DOCK4: variants seen among roughly 807,000 people sequenced by gnomAD.
DOCK4 encodes dedicator of cytokinesis protein 4.
Under a neutral mutation model 268.1 loss-of-function variants are expected in DOCK4, and 97 were observed. The ratio of observed to expected loss-of-function variants is 0.36; its 90% CI spans 0.31 to 0.43. The LOEUF (loss-of-function observed/expected upper bound fraction) is 0.43, where lower values mean the gene tolerates loss of function less well. Among genes scored for constraint, DOCK4 ranks in the 20% least tolerant of loss-of-function variants. The pLI, the probability that DOCK4 is intolerant of heterozygous loss-of-function variation, is 1.00. For missense variants in DOCK4, 2,145 were observed against 2,455.7 expected (o/e 0.87, Z 2.67); for synonymous variants, 954 against 887.2 (o/e 1.08, Z -1.34).
rs796282296 is a variant in DOCK4, at chr7:111,909,988, A to C, written c.1192+5791T>G. Among the ~76,000 whole-genome samples the C allele has an allele frequency of 5.5e-4, 84 of 152,204 alleles. 2 individuals carry two copies. Among genetic ancestry groups the C allele is most frequent in the African/African-American group, 1.8e-3 (76 of 41,536 alleles). On this transcript the variant is annotated intron_variant, in intron 13 of 52. Coordinates refer to ENST00000428084, the MANE Select transcript of DOCK4 (RefSeq NM_001363540.2). ...AAAAAAAGAAAAAAGAAAAAAAAAA[A>C]AACGTTTTAGGGCTAAGAGCTTCAA...
chr7:112,037,231 G>A (rs961700129), intron 1 of DOCK4, among the ~76,000 whole-genome samples: 2 of 152,130 alleles, frequency 1.3e-5, no homozygotes, highest in Admixed American at 1.3e-4. Context: ...TTCTGAGCAC[G>A]TTTAAGGCAG....
intron 25 of DOCK4, among the ~76,000 whole-genome samples, chr7:111,836,216 A>C (rs1262544217): frequency 6.7e-6 from 1 of 149,908 alleles, no homozygotes; most frequent in African/African-American, 2.5e-5. Context: ...TTTTTTTTTT[A>C]ATACCAGCCA....
At chr7:111,894,145 C>T (rs981190498) in intron 16 of DOCK4, among the ~76,000 whole-genome samples, 18 of 151,604 alleles carry the variant, frequency 1.2e-4, no homozygotes, top group African/African-American at 3.6e-4. Flanking sequence ...TGGTGTGAAC[C>T]CGGGAGGCAG....
chr7:111,981,051 C>T (rs1470421813), intron 7 of DOCK4, among the ~76,000 whole-genome samples: 3 of 152,170 alleles, frequency 2.0e-5, no homozygotes, highest in Admixed American at 1.3e-4. Flanking sequence ...ACAGGGCTAT[C>T]AAGAAACTAA....
intron 16 of DOCK4, among the ~76,000 whole-genome samples, chr7:111,883,977 G>A (rs980763941): frequency 4.6e-5 from 7 of 152,082 alleles, no homozygotes; most frequent in African/African-American, 1.2e-4. Context: ...AGAGAATTCC[G>A]CCCATCAATT....
intron 1 of DOCK4, among the ~76,000 whole-genome samples, chr7:112,054,429 T>C (rs1805640807): frequency 6.6e-6 from 1 of 152,158 alleles, no homozygotes; most frequent in South Asian, 2.1e-4. Flanking sequence ...ACTTTCACTC[T>C]CCAAGAAATC....
At chr7:112,071,240 G>T (rs1454793696) in intron 1 of DOCK4, among the ~76,000 whole-genome samples, 1 of 152,176 alleles carries the variant, frequency 6.6e-6, no homozygotes, top group Non-Finnish European at 1.5e-5. Flanking sequence ...TACCTTTGTT[G>T]ATATCTGATG....
intron 1 of DOCK4, among the ~76,000 whole-genome samples, chr7:112,108,963 GT>G (rs113811821): frequency 4.7e-5 from 7 of 149,098 alleles, no homozygotes; most frequent in African/African-American, 1.2e-4. Context: ...ATCTGGCCCA[GT>G]TTTTTTTTTA....
At chr7:112,022,766 A>G (rs1234173336) in intron 1 of DOCK4, among the ~76,000 whole-genome samples, 1 of 152,206 alleles carries the variant, frequency 6.6e-6, no homozygotes, top group East Asian at 1.9e-4. Flanking sequence ...CCTGGCAAGT[A>G]GTTAGCATCA....
chr7:112,170,974 A>G (rs2560645), intron 1 of DOCK4, among the ~76,000 whole-genome samples: 47,099 of 152,116 alleles, frequency 0.31, 9,727 homozygotes, highest in African/African-American at 0.58. Flanking sequence ...CTCTCAAATC[A>G]CAACACACAC....
chr7:111,760,369 A>C, intron 39 of DOCK4, 47 bp from the exon 40 acceptor site: 1 of 1,575,988 alleles, frequency 6.3e-7, no homozygotes, highest in South Asian at 1.1e-5. Context: ...AACTGAGTGG[A>C]TTACAGACAG....
intron 1 of DOCK4, among the ~76,000 whole-genome samples, chr7:112,126,745 G>A (rs1397120698): frequency 1.3e-4 from 20 of 152,216 alleles, no homozygotes; most frequent in South Asian, 4.1e-4. Flanking sequence ...AAAAGTGGGC[G>A]AAGGATATGA....
At chr7:111,803,740 C>T (rs1326316754) in intron 30 of DOCK4, among the ~76,000 whole-genome samples, 2 of 152,156 alleles carry the variant, frequency 1.3e-5, no homozygotes, top group East Asian at 3.9e-4. Flanking sequence ...AAATATATGC[C>T]TTCCTCTGCC....
rs764892526 is a variant in DOCK4, at chr7:112,004,135, T to TA, written c.38-5dup. ...GTTCCTCGGAAACTGGCAATAACTG[T>TA]AAAAAATGATAAAGAATATATGAAG... is the stretch of plus-strand genomic sequence containing the variant. On this transcript the variant is annotated splice_polypyrimidine_tract_variant and splice_region_variant and intron_variant, in intron 1 of 52. Transcript: ENST00000428084. The TA allele has an allele frequency of 3.2e-6, 5 of 1,568,370 alleles. No homozygotes were observed. Among genetic ancestry groups the TA allele is most frequent in the Non-Finnish European group, 4.3e-6 (5 of 1,154,364 alleles).
chr7:111,740,762 G>T (rs1170110100), intron 47 of DOCK4, among the ~76,000 whole-genome samples: 1 of 44,084 alleles, frequency 2.3e-5, no homozygotes, highest in Non-Finnish European at 5.4e-5. Context: ...AAAAAAAAAG[G>T]CAAGCTAAGA....
intron 12 of DOCK4, among the ~76,000 whole-genome samples, chr7:111,917,838 C>A (rs1208374079): frequency 1.3e-5 from 2 of 152,100 alleles, no homozygotes; most frequent in African/African-American, 2.4e-5. Flanking sequence ...ATGTGCAAGT[C>A]ATAACTCCCA....
intron 30 of DOCK4, among the ~76,000 whole-genome samples, chr7:111,791,101 A>AT (rs1355856524): frequency 8.5e-4 from 99 of 115,850 alleles, no homozygotes; most frequent in East Asian, 7.4e-3. Context: ...TATATATATA[A>AT]AATAAATCAT....
intron 1 of DOCK4, among the ~76,000 whole-genome samples, chr7:112,156,988 C>T (rs912700753): frequency 1.6e-4 from 23 of 142,520 alleles, no homozygotes; most frequent in African/African-American, 2.9e-4. Context: ...AGTTAACATA[C>T]GTGAAAAAAA....
At chr7:112,186,869 TA>T (rs887823987) in intron 1 of DOCK4, among the ~76,000 whole-genome samples, 3 of 152,276 alleles carry the variant, frequency 2.0e-5, no homozygotes, top group African/African-American at 4.8e-5. Flanking sequence ...CAGGGACATA[TA>T]AAAGAAGTTG....
Sources: allele counts gnomAD v4.1 joint callset (sites outside exome capture counted in the v4.1 genomes callset), GRCh38; gene constraint gnomAD v4.1.1; transcripts MANE v1.5; gene names NCBI Gene and HGNC (gene_info 2026-07-23, HGNC 2026-07-21).